FSTL5: variants seen among roughly 807,000 people sequenced by gnomAD.
FSTL5 encodes follistatin like 5.
A neutral mutation model predicts 89.1 loss-of-function variants in FSTL5; 62 were observed. The ratio of observed to expected loss-of-function variants is 0.70; its 90% confidence interval spans 0.57 to 0.86. The LOEUF is 0.86. FSTL5 is among the 40% of genes least tolerant of loss of function. FSTL5 has a pLI of 0.00. For missense variants in FSTL5, 1,057 were observed against 1,001.6 expected, an observed-to-expected ratio of 1.06 and a Z score of -0.75; for synonymous variants, 383 against 346.2, an observed-to-expected ratio of 1.11 and a Z score of -1.18.
chr4:162,035,872 G>C (rs1737717840), intron 2 of FSTL5, among the ~76,000 whole-genome samples: 1 of 152,058 alleles, frequency 6.6e-6, no homozygotes, highest in Non-Finnish European at 1.5e-5. Flanking sequence ...ATACATTAAA[G>C]TTTTGCTGTG....
At chr4:161,688,169 A>G (rs1315726086) in intron 6 of FSTL5, among the ~76,000 whole-genome samples, 1 of 152,138 alleles carries the variant, frequency 6.6e-6, no homozygotes, top group African/African-American at 2.4e-5. Flanking sequence ...TGCAACCTAT[A>G]GCTCCTGTGC....
At position 161,618,475 on chromosome 4, in the gene FSTL5, C is replaced by G. The variant is rs1359934843; in HGVS notation, c.895-30900G>C. 2.1e-4 allele frequency among the ~76,000 whole-genome samples: 29 copies of G among 141,118 alleles called. 1 individual carries two copies. Among genetic ancestry groups the G allele is most frequent in the African/African-American group, 7.3e-4 (27 of 37,186 alleles). 92.6% of individuals were successfully genotyped at this position (141,118 alleles called of 152,430 possible). On this transcript the variant is annotated intron_variant, in intron 7 of 15. Coordinates refer to ENST00000306100, the MANE Select transcript of FSTL5 (RefSeq NM_020116.5). Reference sequence around the variant, plus strand: ...GGCTGTGGGTTTGTCATAGATAGCTCTTATTATTTTGAAATACGTCCCATC... The same window carrying G: ...GGCTGTGGGTTTGTCATAGATAGCTGTTATTATTTTGAAATACGTCCCATC...
At chr4:161,496,656 A>G (rs1441551548) in intron 12 of FSTL5, among the ~76,000 whole-genome samples, 2 of 152,152 alleles carry the variant, frequency 1.3e-5, no homozygotes, top group Non-Finnish European at 2.9e-5. Context: ...TAGGACTGCA[A>G]CATCAACTCT....
chr4:162,139,261 C>T (rs577292339), intron 1 of FSTL5, among the ~76,000 whole-genome samples: 2 of 151,842 alleles, frequency 1.3e-5, no homozygotes, highest in Non-Finnish European at 2.9e-5. Flanking sequence ...TTTTGGAGTC[C>T]CCAGTATCTA....
intron 8 of FSTL5, among the ~76,000 whole-genome samples, chr4:161,564,778 G>A (rs774418675): frequency 9.2e-5 from 14 of 151,442 alleles, no homozygotes; most frequent in Non-Finnish European, 1.9e-4. Flanking sequence ...GATGCCTATT[G>A]CGGGTGTCAG....
At chr4:161,765,881 G>A (rs1740976867) in intron 5 of FSTL5, among the ~76,000 whole-genome samples, 2 of 149,674 alleles carry the variant, frequency 1.3e-5, no homozygotes, top group Non-Finnish European at 3.0e-5. Context: ...CTGCAACCTT[G>A]CCTCCCGGGT....
At chr4:161,737,388 C>T (rs889964224) in intron 6 of FSTL5, among the ~76,000 whole-genome samples, 6 of 151,948 alleles carry the variant, frequency 3.9e-5, no homozygotes, top group African/African-American at 1.2e-4. Context: ...CCTATAAAAT[C>T]GAGCAGAAAT....
intron 4 of FSTL5, among the ~76,000 whole-genome samples, chr4:161,890,582 G>A (rs146852567): frequency 0.047 from 7,038 of 151,154 alleles, 207 homozygotes; most frequent in Non-Finnish European, 0.07. Flanking sequence ...CAGCTACTCA[G>A]GAGGCTGAGG....
intron 7 of FSTL5, among the ~76,000 whole-genome samples, chr4:161,596,053 T>A (rs1734003193): frequency 6.6e-6 from 1 of 151,952 alleles, no homozygotes; most frequent in Admixed American, 6.6e-5. Context: ...ATACAAAATA[T>A]ATTTTCATAA....
intron 14 of FSTL5, among the ~76,000 whole-genome samples, chr4:161,456,481 G>C (rs2126404072): frequency 6.6e-6 from 1 of 152,212 alleles, no homozygotes; most frequent in South Asian, 2.1e-4. Flanking sequence ...AAAACACAAA[G>C]AAAAAGATAA....
intron 3 of FSTL5, among the ~76,000 whole-genome samples, chr4:162,025,185 G>A (rs773150664): frequency 6.6e-6 from 1 of 151,856 alleles, no homozygotes; most frequent in African/African-American, 2.4e-5. Flanking sequence ...AATATTGGTA[G>A]GTCAGGTAAC....
intron 2 of FSTL5, among the ~76,000 whole-genome samples, chr4:162,100,180 G>A (rs926147433): frequency 6.6e-6 from 1 of 152,222 alleles, no homozygotes; most frequent in Non-Finnish European, 1.5e-5. Flanking sequence ...ATGTTCTTCA[G>A]TAGTGAATGT....
rs1738561740 is a variant in FSTL5, at chr4:162,056,845, G to A, written c.127-23187C>T. 2.0e-5 allele frequency among the ~76,000 whole-genome samples: 3 copies of A among 152,068 alleles called. No individual in the cohort carries two copies. In the South Asian group the frequency reaches 6.2e-4, roughly 32 times the overall value. ...TATTAAATTATTTATACATATTATT[G>A]CATATCTGAAATATTTTATAGTAAA... On this transcript the variant is annotated intron_variant, in intron 2 of 15. Transcript: ENST00000306100.
intron 4 of FSTL5, among the ~76,000 whole-genome samples, chr4:161,842,175 G>C (rs1731231002): frequency 6.6e-6 from 1 of 152,094 alleles, no homozygotes; most frequent in Admixed American, 6.6e-5. Flanking sequence ...AATTAAGAAG[G>C]CCGTTTGCAA....
At chr4:161,392,514 T>C (rs1450907152) in intron 15 of FSTL5, among the ~76,000 whole-genome samples, 1 of 152,208 alleles carries the variant, frequency 6.6e-6, no homozygotes, top group Non-Finnish European at 1.5e-5. Context: ...AATAAACCAC[T>C]GTACTCAGGT....
chr4:161,748,713 T>C (rs1009136095), intron 6 of FSTL5, among the ~76,000 whole-genome samples: 3 of 151,290 alleles, frequency 2.0e-5, no homozygotes, highest in African/African-American at 7.3e-5. Flanking sequence ...AGTCATTAGT[T>C]ACTAAAATAA....
At chr4:161,717,885 G>A (rs772291272) in intron 6 of FSTL5, among the ~76,000 whole-genome samples, 1 of 151,900 alleles carries the variant, frequency 6.6e-6, no homozygotes, top group Non-Finnish European at 1.5e-5. Context: ...TGTACAATAG[G>A]TTATAGTTAT....
In FSTL5 at chr4:161,455,090, C is replaced by T. The variant is rs544088580; in HGVS notation, c.1755G>A (p.Thr585=). The change falls in exon 15 of 16, where the codon ACG becomes ACA. Residue 585 remains threonine (T), a synonymous_variant. Coordinates refer to ENST00000306100, the MANE Select transcript of FSTL5 (RefSeq NM_020116.5). ...GCTTTCCCACTGGTTGGGTGTGGAT[C>T]GTGTGGTGAGGCACATTCCCACTGG... ...TLASGNVPHH[T]IHTQPVGKQF... The T allele has an allele frequency of 1.0e-4, 161 of 1,612,590 alleles. 1 individual carries two copies. In the South Asian group the frequency reaches 1.5e-3, roughly 15 times the overall value.
intron 11 of FSTL5, among the ~76,000 whole-genome samples, chr4:161,510,194 C>T (rs1730606855): frequency 6.6e-6 from 1 of 151,866 alleles, no homozygotes; most frequent in Admixed American, 6.6e-5. Context: ...CACTTTCTGG[C>T]TATGTATCAA....
Sources: gnomAD v4.1 joint callset for allele counts (sites outside exome capture counted in the v4.1 genomes callset) on GRCh38, gnomAD v4.1.1 for gene constraint, MANE v1.5 for transcripts, NCBI Gene and HGNC (gene_info 2026-07-23, HGNC 2026-07-21) for gene names.